Variants in DLGAP2 observed in about 807,000 individuals in gnomAD.
The protein encoded by DLGAP2 is DLG associated protein 2.
DLGAP2 carries 26 observed loss-of-function variants against 100.3 expected under a neutral mutation model. The observed-to-expected ratio is 0.26, with a 90% confidence interval of 0.19 to 0.36. The LOEUF (loss-of-function observed/expected upper bound fraction) is 0.36. Ranked by LOEUF, DLGAP2 falls within the 10% of genes least tolerant of loss-of-function variation. The pLI is 1.00. For missense variants in DLGAP2, 1,858 were observed against 1,453.2 expected (o/e 1.28, Z -4.53); for synonymous variants, 886 against 630.1 (o/e 1.41, Z -6.08).
chr8:811,994 G>A (rs760632388), intron 1 of DLGAP2, among the ~76,000 whole-genome samples: 51 of 152,254 alleles, frequency 3.3e-4, no homozygotes, highest in Non-Finnish European at 4.0e-4. Flanking sequence ...AATTCTGGAA[G>A]GACATGGGGT....
chr8:958,335 T>G (rs1229033612), intron 2 of DLGAP2, among the ~76,000 whole-genome samples: 3 of 152,136 alleles, frequency 2.0e-5, no homozygotes, highest in Non-Finnish European at 2.9e-5. Flanking sequence ...TTGGCTGTTG[T>G]GAATAGTCAA....
intron 2 of DLGAP2, among the ~76,000 whole-genome samples, chr8:932,872 G>C (rs1313694623): frequency 1.3e-5 from 2 of 152,154 alleles, no homozygotes; most frequent in Non-Finnish European, 2.9e-5. Context: ...GTTTGAAAAA[G>C]ATCAGTCAGC....
chr8:1,067,327 G>T (rs1220011362), intron 2 of DLGAP2, among the ~76,000 whole-genome samples: 1 of 152,188 alleles, frequency 6.6e-6, no homozygotes, highest in Admixed American at 6.5e-5. Context: ...TTTGCTTTGG[G>T]TTTTCTGACC....
At position 737,633 on chromosome 8, in the gene DLGAP2, G is replaced by C. The variant is rs1820349979; in HGVS notation, c.-175G>C. 2 of 344,282 alleles carry C rather than the reference G, an allele frequency of 5.8e-6. No homozygotes were observed. Among genetic ancestry groups the C allele is most frequent in the Non-Finnish European group, 5.2e-6 (1 of 191,472 alleles). The allele number at this position is 344,282 out of a possible 1,614,324, so 21.3% of individuals were successfully genotyped here. A position where few individuals can be genotyped will look rare whatever the true frequency, so the allele number is the denominator to read the frequency against. On this transcript the variant is annotated 5_prime_UTR_variant, in exon 1 of 15. Transcript: ENST00000637795. ...TGCGCAGGCGCCGGCCGTGAAGACC[G>C]ACCGTGCGCCGGGCTCGAGCGCGGT... is the stretch of plus-strand genomic sequence containing the variant.
intron 3 of DLGAP2, among the ~76,000 whole-genome samples, chr8:1,426,429 G>A (rs926829371): frequency 4.6e-5 from 7 of 152,176 alleles, no homozygotes; most frequent in African/African-American, 1.4e-4. Flanking sequence ...CAGAGCTAGG[G>A]AGGAAAGATG....
chr8:1,518,311 A>G (rs902752306), intron 4 of DLGAP2, among the ~76,000 whole-genome samples: 2 of 152,182 alleles, frequency 1.3e-5, no homozygotes, highest in Non-Finnish European at 2.9e-5. Context: ...GACACAGCAC[A>G]TTAGCTCTTA....
At chr8:1,647,412 C>T (rs1798064773) in intron 8 of DLGAP2, among the ~76,000 whole-genome samples, 1 of 142,462 alleles carries the variant, frequency 7.0e-6, no homozygotes, top group Non-Finnish European at 1.5e-5. Flanking sequence ...TGGAGTGAAC[C>T]CGGGAGGCAG....
At chr8:751,347 A>G (rs985676931) in intron 1 of DLGAP2, among the ~76,000 whole-genome samples, 1 of 150,124 alleles carries the variant, frequency 6.7e-6, no homozygotes, top group Non-Finnish European at 1.5e-5. Flanking sequence ...ATCTCCGGCC[A>G]TCCTCTCGTG....
intron 2 of DLGAP2, among the ~76,000 whole-genome samples, chr8:1,158,943 A>G (rs1796841996): frequency 6.6e-6 from 1 of 152,244 alleles, no homozygotes; most frequent in African/African-American, 2.4e-5. Context: ...GGAAACTTGC[A>G]TGGACTGACC....
intron 1 of DLGAP2, among the ~76,000 whole-genome samples, chr8:849,922 G>T (rs1234973032): frequency 6.6e-6 from 1 of 152,008 alleles, no homozygotes; most frequent in African/African-American, 2.4e-5. Context: ...ACATTAGCTG[G>T]GCCTGGTGCT....
chr8:1,294,312 C>G (rs1800123494), intron 3 of DLGAP2, among the ~76,000 whole-genome samples: 1 of 152,156 alleles, frequency 6.6e-6, no homozygotes, highest in Non-Finnish European at 1.5e-5. Context: ...GAAAAAATGC[C>G]ATGTTCACAT....
intron 3 of DLGAP2, among the ~76,000 whole-genome samples, chr8:1,484,961 T>A (rs1799200245): frequency 6.6e-6 from 1 of 152,210 alleles, no homozygotes; most frequent in African/African-American, 2.4e-5. Context: ...CCACAGTGGC[T>A]GCAATGTCAA....
chr8:1,408,286 G>T (rs1584867674), intron 3 of DLGAP2, among the ~76,000 whole-genome samples: 2 of 152,228 alleles, frequency 1.3e-5, no homozygotes, highest in Admixed American at 6.5e-5. Context: ...TCTTGCTGAT[G>T]ATCTGGGTCT....
Position 1,324,099 on chromosome 8 carries a change from G to C in DLGAP2, c.106+65216G>C, listed in dbSNP as rs193105036. ...ATGTCTCTAGGGCCTCTGGCTTAGT[G>C]AAATAAGAAGCGTCCATTGAAGGGG... is the stretch of plus-strand genomic sequence containing the variant. On this transcript the variant is annotated intron_variant, in intron 3 of 14. Transcript: ENST00000637795. Among the ~76,000 whole-genome samples, 61 of 152,282 alleles carry C rather than the reference G, an allele frequency of 4.0e-4. 1 individual carries two copies. The highest frequency in any genetic ancestry group is 1.3e-3 in the African/African-American group (52 of 41,562).
intron 1 of DLGAP2, among the ~76,000 whole-genome samples, chr8:784,576 G>A (rs1358910542): frequency 6.6e-6 from 1 of 152,230 alleles, no homozygotes; most frequent in East Asian, 1.9e-4. Context: ...TATTTAGTTA[G>A]ATTACAGTTG....
At chr8:860,541 T>A (rs2128989780) in intron 1 of DLGAP2, among the ~76,000 whole-genome samples, 1 of 152,372 alleles carries the variant, frequency 6.6e-6, no homozygotes, top group East Asian at 1.9e-4. Flanking sequence ...GCAAACCGTC[T>A]GCATTTGCAT....
chr8:1,273,665 G>C (rs1799627396), intron 3 of DLGAP2, among the ~76,000 whole-genome samples: 1 of 152,144 alleles, frequency 6.6e-6, no homozygotes, highest in Admixed American at 6.5e-5. Context: ...AGGCATATTT[G>C]GCCTGAATTT....
intron 2 of DLGAP2, among the ~76,000 whole-genome samples, chr8:1,058,480 A>G (rs561525373): frequency 7.6e-4 from 116 of 152,314 alleles, no homozygotes; most frequent in African/African-American, 2.7e-3. Flanking sequence ...ATACCTGCCC[A>G]TGCACCCATT....
intron 4 of DLGAP2, 140 bp downstream of exon 4, chr8:1,501,571 G>T: frequency 1.2e-6 from 1 of 849,844 alleles, no homozygotes; most frequent in Non-Finnish European, 1.8e-6. Context: ...TAAGTACAAT[G>T]CGGCACTTTT....
Sources: allele counts gnomAD v4.1 joint callset (sites outside exome capture counted in the v4.1 genomes callset), GRCh38; gene constraint gnomAD v4.1.1; transcripts MANE v1.5; gene names NCBI Gene and HGNC (gene_info 2026-07-23, HGNC 2026-07-21).